The following CACNA1H variants were observed in gnomAD, a reference collection of about 807,000 sequenced individuals.
CACNA1H encodes the protein voltage-dependent T-type calcium channel subunit alpha-1H.
Under a neutral mutation model 192.5 loss-of-function variants are expected in CACNA1H, and 149 were observed. The ratio of observed to expected loss-of-function variants is 0.77; its 90% confidence interval spans 0.68 to 0.89. The LOEUF is 0.89. Among genes scored for constraint, CACNA1H ranks in the 40% least tolerant of loss-of-function variants. CACNA1H has a pLI of 0.00. For missense variants in CACNA1H, 4,257 were observed against 3,423.5 expected, an observed-to-expected ratio of 1.24 and a Z score of -6.08; for synonymous variants, 2,202 against 1,475.2, an observed-to-expected ratio of 1.49 and a Z score of -11.29.
At chr16:1,199,914 C>T (rs1009882694) in intron 6 of CACNA1H, among the ~76,000 whole-genome samples, 7 of 152,084 alleles carry the variant, frequency 4.6e-5, no homozygotes, top group Non-Finnish European at 7.4e-5. Context: ...GCTCTTGGGT[C>T]TCCCTCCCTG....
At chr16:1,155,011 C>A (rs941956562) in intron 2 of CACNA1H, among the ~76,000 whole-genome samples, 6 of 152,300 alleles carry the variant, frequency 3.9e-5, no homozygotes, top group African/African-American at 4.8e-5. Context: ...GAGACCCTGC[C>A]CGCAGACGTC....
chr16:1,153,772 G>T lies in CACNA1H; in HGVS notation c.35G>T (p.Arg12Leu). 8.2e-6 allele frequency: 10 copies of T among 1,222,492 alleles called. No homozygotes were observed. The highest frequency in any genetic ancestry group is 1.0e-5 in the Non-Finnish European group (10 of 981,814). 75.7% of individuals were successfully genotyped at this position (1,222,492 alleles called of 1,614,324 possible). The part of the protein sequence containing the change: ...TEGARAADEV[R>L]VPLGAPPPGP... Reference sequence around the variant, plus strand: ...GGCGCACGGGCCGCCGACGAGGTCCGGGTGCCCCTGGGCGCGCCGCCCCCT... The same window carrying T: ...GGCGCACGGGCCGCCGACGAGGTCCTGGTGCCCCTGGGCGCGCCGCCCCCT... The change falls in exon 2 of 35, where the codon CGG becomes CTG. Residue 12 changes from arginine to leucine, a missense_variant. Physicochemically the swap from Arg to Leu is moderately radical, Grantham distance 102. Coordinates refer to ENST00000348261, the MANE Select transcript of CACNA1H (RefSeq NM_021098.3).
rs569439669 is a variant in CACNA1H at position 1,205,239 on chromosome 16, C to T, written c.2577C>T (p.Ile859=). ...PLGYIRNPYN[I]FDGIIVVISV... ...GCTACATCCGGAACCCGTACAACAT[C>T]TTCGACGGCATCATCGTGGTCATCA... The change falls in exon 11 of 35, where the codon ATC becomes ATT. Residue 859 remains isoleucine, a synonymous_variant. Transcript: ENST00000348261. The T allele has an allele frequency of 1.9e-6, 3 of 1,610,062 alleles. No individual in the cohort carries two copies. Among genetic ancestry groups the T allele is most frequent in the African/African-American group, 1.3e-5 (1 of 74,986 alleles).
chr16:1,220,185 GC>G lies in CACNA1H; in HGVS notation c.6257del (p.Pro2086GlnfsTer102). The G allele has an allele frequency of 1.3e-6, 2 of 1,526,778 alleles. No individual in the cohort carries two copies. The highest frequency in any genetic ancestry group is 2.5e-5 in the East Asian group (1 of 40,720). 94.6% of individuals were successfully genotyped at this position (1,526,778 alleles called of 1,614,324 possible). On this transcript the variant is annotated frameshift_variant, in exon 35 of 35. Transcript: ENST00000348261. LOFTEE classifies it low-confidence loss of function (END_TRUNC). Reference sequence around the variant, plus strand: ...GCGCTGCGTCTCCAGCCGGCCGGCGGCCCCAGGCGGAGAGGAGGCCGAGGCC... The same window carrying G: ...GCGCTGCGTCTCCAGCCGGCCGGCGGCCCAGGCGGAGAGGAGGCCGAGGCC... ...GQRCVSSRPA[A>X]PGGEEAEASD...
At chr16:1,218,175 T>C (rs765222781) in intron 32 of CACNA1H, 35 bp from the exon 33 acceptor site, 3 of 1,540,238 alleles carry the variant, frequency 1.9e-6, no homozygotes, top group African/African-American at 1.4e-5. Flanking sequence ...CGCGGGTGGG[T>C]GTGGACCCCG....
intron 26 of CACNA1H, among the ~76,000 whole-genome samples, chr16:1,213,386 G>T (rs1449973925): frequency 1.3e-5 from 2 of 152,022 alleles, no homozygotes; most frequent in Admixed American, 6.5e-5. Flanking sequence ...GGAGCTCCAG[G>T]GGGGCGGGCC....
At position 1,208,057 on chromosome 16, in the gene CACNA1H, G is replaced by C. The variant is rs751148760; in HGVS notation, c.3199G>C (p.Glu1067Gln). ...SLAVTPNGHLEGRGSLSPPLI... is the reference protein window; with the variant it reads ...SLAVTPNGHLQGRGSLSPPLI... ...GGCCGTGACCCCCAACGGGCACCTGGAGGGACGAGGCAGCCTGTCCCCTCC... is the reference window on the plus strand; with the variant it reads ...GGCCGTGACCCCCAACGGGCACCTGCAGGGACGAGGCAGCCTGTCCCCTCC... Residue 1067 changes from glutamate (E) to glutamine (Q), a missense_variant, in exon 16 of 35, where the codon GAG becomes CAG. Glu to Gln is a conservative substitution (Grantham distance 29, BLOSUM62 2). Coordinates refer to ENST00000348261, the MANE Select transcript of CACNA1H (RefSeq NM_021098.3). The C allele has an allele frequency of 2.5e-6, 4 of 1,606,734 alleles. No individual in the cohort carries two copies. In the African/African-American group the frequency reaches 5.4e-5, roughly 21 times the overall value.
At chr16:1,207,988 G>A in intron 15 of CACNA1H, 25 bp from the exon 16 acceptor site, 5 of 1,579,842 alleles carry the variant, frequency 3.2e-6, no homozygotes, top group South Asian at 1.2e-5. Flanking sequence ...AGCTCTAGGG[G>A]CCCATTCCTC....
At chr16:1,207,551 C>A (rs903471363) in intron 14 of CACNA1H, 121 bp downstream of exon 14, 7 of 1,194,990 alleles carry the variant, frequency 5.9e-6, no homozygotes, top group Non-Finnish European at 7.1e-6. Flanking sequence ...GGGAAGCTGG[C>A]TGCCATGAGG....
In CACNA1H at chr16:1,180,943, C is replaced by T. The variant is rs769372042; in HGVS notation, c.300-14029C>T. Among the ~76,000 whole-genome samples the T allele has an allele frequency of 3.9e-5, 6 of 152,190 alleles. No homozygotes were observed. The highest frequency in any genetic ancestry group is 2.1e-4 in the South Asian group (1 of 4,830). On this transcript the variant is annotated intron_variant, in intron 2 of 34. Transcript: ENST00000348261. The surrounding 1 kb of genome is among the most constrained non-coding windows in gnomAD (Gnocchi z 4.4). ...GTCTTCCCGCAGGAAAGCGCCTTGG[C>T]GGGACTGCTTCCGCCAGCTTCCCGG...
In CACNA1H at chr16:1,215,302, G is replaced by A. The variant is rs1300158398; in HGVS notation, c.5100G>A (p.Glu1700=). The change falls in exon 29 of 35, where the codon GAG becomes GAA. Residue 1700 remains glutamate (E), a synonymous_variant. Transcript: ENST00000348261. ...CACTCATGGGCATCACGCTGGAGGA[G>A]ATAGAGATGAGCGCCGCGCTGCCCA... ...LLSLMGITLE[E]IEMSAALPIN... 1 of 1,610,340 alleles carries A rather than the reference G, an allele frequency of 6.2e-7. No homozygotes were observed. Among genetic ancestry groups the A allele is most frequent in the Non-Finnish European group, 8.5e-7 (1 of 1,178,776 alleles).
At position 1,220,722 on chromosome 16, in the gene CACNA1H, C is replaced by A; in HGVS notation, c.6790C>A (p.Pro2264Thr). Residue 2264 changes from proline (P) to threonine (T), a missense_variant, in exon 35 of 35, where the codon CCC becomes ACC. Physicochemically the swap from Pro to Thr is conservative, Grantham distance 38. Coordinates refer to ENST00000348261, the MANE Select transcript of CACNA1H (RefSeq NM_021098.3). ...CTGCCGGGCTGAGCACCTGACCGTC[C>A]CCAGCTTTGCCTTTGAGCCGCTGGA... ...ASCRAEHLTV[P>T]SFAFEPLDLG... 6.2e-7 allele frequency: 1 copy of A among 1,612,326 alleles called. No individual in the cohort carries two copies. The highest frequency in any genetic ancestry group is 8.5e-7 in the Non-Finnish European group (1 of 1,179,692).
chr16:1,220,655 G>T lies in CACNA1H; in HGVS notation c.6723G>T (p.Gly2241=), dbSNP rs759928266. 1.9e-6 allele frequency: 3 copies of T among 1,605,988 alleles called. No individual in the cohort carries two copies. The highest frequency in any genetic ancestry group is 2.2e-5 in the South Asian group (2 of 90,578). ...SLEPTEGSGA[G]GDPAAKGERW... is the part of the protein sequence containing the mutation. ...AGCCCACAGAGGGCTCAGGCGCCGG[G>T]GGGGACCCTGCAGCCAAGGGGGAGC... Residue 2241 remains glycine, a synonymous_variant, in exon 35 of 35, where the codon GGG becomes GGT. Transcript: ENST00000348261.
intron 2 of CACNA1H, among the ~76,000 whole-genome samples, chr16:1,169,478 A>G (rs1964144741): frequency 6.6e-6 from 1 of 152,186 alleles, no homozygotes; most frequent in South Asian, 2.1e-4. Flanking sequence ...CGTTCCCCCA[A>G]GAAGCAGCAG....
chr16:1,193,072 C>T (rs981522086), intron 2 of CACNA1H, among the ~76,000 whole-genome samples: 3 of 152,144 alleles, frequency 2.0e-5, no homozygotes, highest in Non-Finnish European at 2.9e-5. Context: ...GGGTAGAGTG[C>T]CGTGGGGGCT....
Position 1,180,454 on chromosome 16 carries a change from G to T in CACNA1H, c.300-14518G>T, listed in dbSNP as rs984747267. ...TCTGAAGGGAAATCCCCAGTGGTGG[G>T]ACTGGAGGTGCCGTGGAGGGTGGGC... On this transcript the variant is annotated intron_variant, in intron 2 of 34. Coordinates refer to ENST00000348261, the MANE Select transcript of CACNA1H (RefSeq NM_021098.3). The surrounding 1 kb of genome is among the most constrained non-coding windows in gnomAD (Gnocchi z 4.4). Among the ~76,000 whole-genome samples the T allele has an allele frequency of 6.6e-6, 1 of 152,178 alleles. No individual in the cohort carries two copies. Among genetic ancestry groups the T allele is most frequent in the Non-Finnish European group, 1.5e-5 (1 of 68,026 alleles).
intron 2 of CACNA1H, among the ~76,000 whole-genome samples, chr16:1,159,150 C>G (rs1962848833): frequency 6.6e-6 from 1 of 152,200 alleles, no homozygotes; most frequent in South Asian, 2.1e-4. Flanking sequence ...AACGCCTTGG[C>G]AGACGTCTTC....
chr16:1,165,957 G>A (rs1445173815), intron 2 of CACNA1H, among the ~76,000 whole-genome samples: 10 of 152,232 alleles, frequency 6.6e-5, no homozygotes, highest in South Asian at 2.1e-4. Context: ...ACACCGGCCC[G>A]TGCATCTTTT....
At chr16:1,208,351 C>A in intron 16 of CACNA1H, 130 bp downstream of exon 16, 1 of 703,840 alleles carries the variant, frequency 1.4e-6, no homozygotes, top group Non-Finnish European at 2.4e-6. Flanking sequence ...TGTGCAGAGA[C>A]TGAGAAAGAG....
Sources: allele counts gnomAD v4.1 joint callset (sites outside exome capture counted in the v4.1 genomes callset), GRCh38; gene constraint gnomAD v4.1.1; non-coding constraint Gnocchi (gnomAD v3.1); transcripts MANE v1.5; gene names NCBI Gene and HGNC (gene_info 2026-07-23, HGNC 2026-07-21).